CHAF1B: variants seen among roughly 807,000 people sequenced by gnomAD.
CHAF1B encodes the protein chromatin assembly factor 1 subunit B, also known as CAF-1 subunit B.
CHAF1B carries 10 observed loss-of-function variants against 60.7 expected under a neutral mutation model. The observed-to-expected ratio is 0.16, with a 90% CI of 0.10 to 0.28. The LOEUF (loss-of-function observed/expected upper bound fraction) is 0.28, where lower values mean the gene tolerates loss of function less well. CHAF1B is among the 10% of genes least tolerant of loss of function. The pLI is 1.00. For synonymous variants in CHAF1B, 261 were observed against 266.1 expected (o/e 0.98, Z 0.19); for missense variants, 558 against 708.4 (o/e 0.79, Z 2.41).
At position 36,413,323 on chromosome 21, in the gene CHAF1B, C is replaced by G. The variant is rs371925911; in HGVS notation, c.1493+8C>G. 6.5e-7 allele frequency: 1 copy of G among 1,548,244 alleles called. No homozygotes were observed. Among genetic ancestry groups the G allele is most frequent in the Admixed American group, 2.1e-5 (1 of 48,706 alleles). The stretch of plus-strand genomic sequence containing the variant: ...GAGCAAGACAACACCCCGGTAAGAA[C>G]TTGTTGGAACAAGATGTCATTGCAA... On this transcript the variant is annotated splice_region_variant and intron_variant, in intron 12 of 13. Coordinates refer to ENST00000314103, the MANE Select transcript of CHAF1B (RefSeq NM_005441.3).
Position 36,386,132 on chromosome 21 carries a change from G to A in CHAF1B, c.-5G>A, listed in dbSNP as rs1352622897. ...AAACGTTTTTCCCCTTCGAGACTCA[G>A]GAGGATGAAAGTCATCACTTGTGAA... On this transcript the variant is annotated 5_prime_UTR_variant, in exon 2 of 14. Coordinates refer to ENST00000314103, the MANE Select transcript of CHAF1B (RefSeq NM_005441.3). 2.5e-6 allele frequency: 4 copies of A among 1,614,024 alleles called. No homozygotes were observed. Among genetic ancestry groups the A allele is most frequent in the East Asian group, 2.2e-5 (1 of 44,870 alleles).
chr21:36,407,473 T>G (rs2086247269), intron 8 of CHAF1B, among the ~76,000 whole-genome samples: 1 of 152,154 alleles, frequency 6.6e-6, no homozygotes, highest in Non-Finnish European at 1.5e-5. Flanking sequence ...GCAAGTTAAC[T>G]TTCATGAGTA....
chr21:36,391,545 C>A lies in CHAF1B; in HGVS notation c.260-6C>A. On this transcript the variant is annotated splice_polypyrimidine_tract_variant and splice_region_variant and intron_variant, in intron 3 of 13. Coordinates refer to ENST00000314103, the MANE Select transcript of CHAF1B (RefSeq NM_005441.3). The stretch of plus-strand genomic sequence containing the variant: ...CGTGGATCACTGTTACTGAATCACC[C>A]TGCAGATGCTGTCATCCTATTGTGG... 1 of 1,568,594 alleles carries A rather than the reference C, an allele frequency of 6.4e-7. No individual in the cohort carries two copies. Among genetic ancestry groups the A allele is most frequent in the Non-Finnish European group, 8.8e-7 (1 of 1,139,354 alleles).
intron 4 of CHAF1B, 40 bp from the exon 5 acceptor site, chr21:36,394,507 G>A (rs754039790): frequency 5.0e-6 from 7 of 1,388,418 alleles, no homozygotes; most frequent in Non-Finnish European, 7.2e-6. Context: ...GCTATACCTG[G>A]GGAGTAATTG....
At chr21:36,399,668 C>A in intron 7 of CHAF1B, 63 bp downstream of exon 7, 1 of 1,319,612 alleles carries the variant, frequency 7.6e-7, no homozygotes, top group Non-Finnish European at 1.1e-6. Context: ...AAGTCATGAG[C>A]TCCTCCCATA....
rs1219311847 is a variant in CHAF1B, at chr21:36,394,562, T to C, written c.393T>C (p.Asp131=). 1.9e-6 allele frequency: 3 copies of C among 1,612,878 alleles called. No homozygotes were observed. Among genetic ancestry groups the C allele is most frequent in the Non-Finnish European group, 2.5e-6 (3 of 1,179,186 alleles). ...VVKTLRGHLE[D]VYDICWATDG... ...TGGATTCTAGGGGCCACTTAGAAGA[T>C]GTGTATGATATTTGCTGGGCAACTG... The change falls in exon 5 of 14, where the codon GAT becomes GAC. Residue 131 remains aspartate (D), a synonymous_variant. Coordinates refer to ENST00000314103, the MANE Select transcript of CHAF1B (RefSeq NM_005441.3).
chr21:36,397,398 G>T lies in CHAF1B; in HGVS notation c.482-17G>T. On this transcript the variant is annotated splice_polypyrimidine_tract_variant and intron_variant, in intron 5 of 13. Coordinates refer to ENST00000314103, the MANE Select transcript of CHAF1B (RefSeq NM_005441.3). Reference sequence around the variant, plus strand: ...GGTAATGCTGTTTTGGTGCGTGTGTGTGTGTTTTTTTTGTAGGACAAAAGA... The same window carrying T: ...GGTAATGCTGTTTTGGTGCGTGTGTTTGTGTTTTTTTTGTAGGACAAAAGA... 7.3e-7 allele frequency: 1 copy of T among 1,361,796 alleles called. No individual in the cohort carries two copies. The highest frequency in any genetic ancestry group is 1.0e-6 in the Non-Finnish European group (1 of 975,658). The allele number at this position is 1,361,796 out of a possible 1,614,324, so 84.4% of individuals were successfully genotyped here.
chr21:36,394,982 C>T lies in CHAF1B; in HGVS notation c.481+332C>T, dbSNP rs544711694. ...CTAACCTCAGGTGATCTGCCCGCCTCAGCCTCCCAAAGTGCTGGGATTACA... is the reference window on the plus strand; with the variant it reads ...CTAACCTCAGGTGATCTGCCCGCCTTAGCCTCCCAAAGTGCTGGGATTACA... On this transcript the variant is annotated intron_variant, in intron 5 of 13. Transcript: ENST00000314103. Among the ~76,000 whole-genome samples, 23 of 151,920 alleles carry T rather than the reference C, an allele frequency of 1.5e-4. No individual in the cohort carries two copies. The East Asian group carries it at 4.5e-3, about 30-fold the overall frequency.
chr21:36,415,342 T>A lies in CHAF1B; in HGVS notation c.1541T>A (p.Val514Glu), dbSNP rs773163731. The A allele has an allele frequency of 6.2e-7, 1 of 1,613,058 alleles. No individual in the cohort carries two copies. Among genetic ancestry groups the A allele is most frequent in the Non-Finnish European group, 8.5e-7 (1 of 1,179,068 alleles). Residue 514 changes from valine to glutamate, a missense_variant, in exon 13 of 14, where the codon GTA (valine) becomes GAA (glutamate). Physicochemically the swap from Val to Glu is moderately radical, Grantham distance 121 (BLOSUM62 -2). Transcript: ENST00000314103. ...AAGACGGACACTCCACCAAGTTCTG[T>A]ACCAACCAGTGTGATTTCCACCCCT... ...PLKTDTPPSS[V>E]PTSVISTPST... is the part of the protein sequence containing the mutation.
intron 3 of CHAF1B, among the ~76,000 whole-genome samples, chr21:36,390,059 T>C (rs2086074022): frequency 6.6e-6 from 1 of 151,758 alleles, no homozygotes; most frequent in East Asian, 1.9e-4. Context: ...GCAGGCTGGG[T>C]GCGGTGGCTC....
Position 36,416,327 on chromosome 21 carries a change from C to A in CHAF1B, c.1641C>A (p.Leu547=). The change falls in exon 14 of 14, where the codon CTC becomes CTA. Residue 547 remains leucine (L), a synonymous_variant. Coordinates refer to ENST00000314103, the MANE Select transcript of CHAF1B (RefSeq NM_005441.3). ...GSPPELKRPR[L]DENKGGTESL... ...CCCCAGAGCTAAAGCGGCCCAGACT[C>A]GATGAAAACAAAGGAGGCACGGAAA... 1 of 1,614,018 alleles carries A rather than the reference C, an allele frequency of 6.2e-7. No homozygotes were observed. The highest frequency in any genetic ancestry group is 8.5e-7 in the Non-Finnish European group (1 of 1,179,976).
intron 10 of CHAF1B, among the ~76,000 whole-genome samples, chr21:36,410,648 T>C (rs775322217): frequency 6.6e-6 from 1 of 151,786 alleles, no homozygotes; most frequent in Admixed American, 6.6e-5. Flanking sequence ...TGCCTCTCCA[T>C]GCTCCATTTT....
intron 5 of CHAF1B, among the ~76,000 whole-genome samples, chr21:36,396,355 C>T (rs2086137868): frequency 1.1e-5 from 1 of 90,542 alleles, no homozygotes; most frequent in Admixed American, 1.2e-4. Flanking sequence ...TCACCAAAAA[C>T]CTCAAAAAAA....
rs147952403 is a variant in CHAF1B, at chr21:36,397,427, C to T, written c.494C>T (p.Ser165Leu). The T allele has an allele frequency of 6.5e-7, 1 of 1,541,414 alleles. No homozygotes were observed. The highest frequency in any genetic ancestry group is 1.4e-5 in the African/African-American group (1 of 73,232). The stretch of plus-strand genomic sequence containing the variant: ...GTTTTTTTTGTAGGACAAAAGATAT[C>T]AATTTTTAATGAACATAAAAGTTAT... ...IWDVSKGQKI[S>L]IFNEHKSYVQ... Residue 165 changes from serine (S) to leucine (L), a missense_variant, in exon 6 of 14, where the codon TCA becomes TTA. Around this residue, in one of 2 missense-constraint regions of CHAF1B, gnomAD observed 325 missense variants for 493.5 expected, o/e 0.66. Coordinates refer to ENST00000314103, the MANE Select transcript of CHAF1B (RefSeq NM_005441.3).
At position 36,402,797 on chromosome 21, in the gene CHAF1B, T is replaced by A. The variant is rs772524408; in HGVS notation, c.703T>A (p.Ser235Thr). 6.2e-7 allele frequency: 1 copy of A among 1,613,946 alleles called. No individual in the cohort carries two copies. Among genetic ancestry groups the A allele is most frequent in the African/African-American group, 1.3e-5 (1 of 74,926 alleles). Residue 235 changes from serine to threonine, a missense_variant, in exon 8 of 14, where the codon TCT (serine) becomes ACT (threonine). By Grantham distance (58) the Ser-to-Thr change is moderately conservative. This residue lies in a region of CHAF1B where 325 missense variants were observed against 493.5 expected (regional missense o/e 0.66). Coordinates refer to ENST00000314103, the MANE Select transcript of CHAF1B (RefSeq NM_005441.3). ...GATGTTTCACGACGACAGCATGAAG[T>A]CTTTCTTCCGTAGACTGAGTTTCAC... ...YRMFHDDSMK[S>T]FFRRLSFTPD...
Position 36,416,399 on chromosome 21 carries a change from G to T in CHAF1B, c.*33G>T, listed in dbSNP as rs1458325354. On this transcript the variant is annotated 3_prime_UTR_variant, in exon 14 of 14. Transcript: ENST00000314103. ...TCGGCTTCTGCTCGAAGCCTACCAG[G>T]CTCCCGGTGTGTGCAGGGAGACGGT... 3 of 1,583,992 alleles carry T rather than the reference G, an allele frequency of 1.9e-6. No homozygotes were observed. The highest frequency in any genetic ancestry group is 2.6e-6 in the Non-Finnish European group (3 of 1,157,310).
intron 13 of CHAF1B, 64 bp from the exon 14 acceptor site, chr21:36,416,211 T>C: frequency 7.2e-7 from 1 of 1,388,682 alleles, no homozygotes; most frequent in Non-Finnish European, 1.0e-6. Flanking sequence ...ATTCTGTAAA[T>C]GTCAGCCCTT....
chr21:36,391,716 A>T, intron 4 of CHAF1B, 48 bp downstream of exon 4: 1 of 1,152,342 alleles, frequency 8.7e-7, no homozygotes, highest in Non-Finnish European at 1.3e-6. Flanking sequence ...CGATGAGTGC[A>T]TTAAATGGAA....
chr21:36,411,877 C>T lies in CHAF1B; in HGVS notation c.1061+273C>T, dbSNP rs142060089. ...CCAAGTAGCTGGGATTACAGGTGCG[C>T]ACCACTACGCCTGGCTAATTCTTGT... On this transcript the variant is annotated intron_variant, in intron 11 of 13. Transcript: ENST00000314103. Among the ~76,000 whole-genome samples the T allele has an allele frequency of 3.3e-5, 5 of 152,184 alleles. No individual in the cohort carries two copies. In the East Asian group the frequency reaches 7.8e-4, roughly 24 times the overall value.
Sources: gnomAD v4.1 joint callset for allele counts (sites outside exome capture counted in the v4.1 genomes callset) on GRCh38, gnomAD v4.1.1 for gene constraint, gnomAD v4.1.1 regional missense constraint, MANE v1.5 for transcripts, NCBI Gene and HGNC (gene_info 2026-07-23, HGNC 2026-07-21) for gene names.